The following PCDHA6 variants were observed in gnomAD, a reference collection of about 807,000 sequenced individuals.
PCDHA6 encodes protocadherin alpha 6, also known as protocadherin alpha-6.
In PCDHA6, 55 loss-of-function variants were observed where a neutral mutation model predicts 60.3. The ratio of observed to expected loss-of-function variants is 0.91; its 90% confidence interval spans 0.73 to 1.14. The LOEUF is 1.14. Ranked by LOEUF, PCDHA6 falls within the 50% of genes most tolerant of loss-of-function variation. PCDHA6 has a pLI of 0.00. For missense variants in PCDHA6, 1,327 were observed against 1,256.5 expected (o/e 1.06, Z -0.85); for synonymous variants, 652 against 557.9 (o/e 1.17, Z -2.38).
At chr5:141,008,108 T>C (rs2098361480) in intron 3 of PCDHA6, among the ~76,000 whole-genome samples, 1 of 152,138 alleles carries the variant, frequency 6.6e-6, no homozygotes, top group Non-Finnish European at 1.5e-5. Flanking sequence ...CTCATGAGAA[T>C]AAGTGTTTCA....
In PCDHA6 at chr5:140,871,387, G is replaced by A. The variant is rs372339362; in HGVS notation, c.2394+40902G>A. Reference sequence around the variant, plus strand: ...GCGGCAGAGGGTGTGCTCTGAGGAGGGCCCACCTAAGACGGACCTCATGGC... The same window carrying A: ...GCGGCAGAGGGTGTGCTCTGAGGAGAGCCCACCTAAGACGGACCTCATGGC... On this transcript the variant is annotated intron_variant, in intron 1 of 3. Coordinates refer to ENST00000529310, the MANE Select transcript of PCDHA6 (RefSeq NM_018909.4). 87 of 1,614,172 alleles carry A rather than the reference G, an allele frequency of 5.4e-5. No homozygotes were observed. The African/African-American group carries it at 1.0e-3, about 19-fold the overall frequency.
intron 1 of PCDHA6, chr5:140,830,908 T>C (rs1771286150): frequency 6.6e-6 from 1 of 152,406 alleles, no homozygotes; most frequent in East Asian, 1.9e-4. Context: ...TTTTACACTT[T>C]CCATTTCAAT....
chr5:140,944,909 C>A (rs1320536064), intron 1 of PCDHA6, among the ~76,000 whole-genome samples: 1 of 152,136 alleles, frequency 6.6e-6, no homozygotes, highest in African/African-American at 2.4e-5. Flanking sequence ...CCACAAACTT[C>A]TCTTTATATT....
chr5:141,000,743 TA>T (rs527867626), intron 3 of PCDHA6, among the ~76,000 whole-genome samples: 276 of 145,094 alleles, frequency 1.9e-3, no homozygotes, highest in Admixed American at 4.4e-3. Context: ...CTCTGTATAT[TA>T]AAAAAAAAAA....
chr5:140,829,809 C>A lies in PCDHA6; in HGVS notation c.1718C>A (p.Thr573Asn). The change falls in exon 1 of 4, where the codon ACT becomes AAT. Residue 573 changes from threonine (T) to asparagine (N), a missense_variant. By Grantham distance (65) the Thr-to-Asn change is moderately conservative. Coordinates refer to ENST00000529310, the MANE Select transcript of PCDHA6 (RefSeq NM_018909.4). ...CTGCTGGCGCCTCGGGTGGGTGGTA[C>A]TGGTGGTGCAGTGAGCGAGCTGGTG... ...PALLAPRVGG[T>N]GGAVSELVPR... 1.2e-6 allele frequency: 2 copies of A among 1,613,854 alleles called. No homozygotes were observed. The highest frequency in any genetic ancestry group is 1.7e-6 in the Non-Finnish European group (2 of 1,179,876).
chr5:141,004,351 G>T (rs547017222), intron 3 of PCDHA6, among the ~76,000 whole-genome samples: 1 of 152,332 alleles, frequency 6.6e-6, no homozygotes, highest in African/African-American at 2.4e-5. Flanking sequence ...TGAGGGACTG[G>T]AGAGACCACA....
chr5:140,884,233 T>A (rs782019323), intron 1 of PCDHA6: 1 of 1,613,364 alleles, frequency 6.2e-7, no homozygotes. Flanking sequence ...AGGACCACGG[T>A]GAGCCCGCGC....
intron 1 of PCDHA6, among the ~76,000 whole-genome samples, chr5:140,934,654 T>G (rs1178051306): frequency 6.6e-6 from 1 of 152,168 alleles, no homozygotes; most frequent in African/African-American, 2.4e-5. Flanking sequence ...AATGTTTGAT[T>G]CTTCCCCTTT....
At position 140,858,811 on chromosome 5, in the gene PCDHA6, T is replaced by A. The variant is rs2045603382; in HGVS notation, c.2394+28326T>A. The A allele has an allele frequency of 1.4e-5, 5 of 354,112 alleles. No homozygotes were observed. The South Asian group carries it at 1.7e-4, about 12-fold the overall frequency. The allele number at this position is 354,112 out of a possible 1,614,324, so 21.9% of individuals were successfully genotyped here. A position where few individuals can be genotyped will look rare whatever the true frequency, so the allele number is the denominator to read the frequency against. ...TTTCATTTCCAATCTAAATTTTGAT[T>A]TGATTGTATTTGCATTACCAAAAAA... On this transcript the variant is annotated intron_variant, in intron 1 of 3. Transcript: ENST00000529310.
chr5:140,883,445 G>A, intron 1 of PCDHA6: 1 of 1,614,164 alleles, frequency 6.2e-7, no homozygotes, highest in South Asian at 1.1e-5. Flanking sequence ...GACGCCGCAT[G>A]TCCCCTTCAA....
chr5:141,005,701 C>CAAAAAAA (rs59860837), intron 3 of PCDHA6, among the ~76,000 whole-genome samples: 5 of 7,784 alleles, frequency 6.4e-4, no homozygotes, highest in African/African-American at 9.3e-4. Context: ...AACTCCGTCT[C>CAAAAAAA]AAAAAAAAAA....
chr5:140,997,785 A>G (rs537383326), intron 3 of PCDHA6, among the ~76,000 whole-genome samples: 2 of 152,218 alleles, frequency 1.3e-5, no homozygotes, highest in Admixed American at 1.3e-4. Flanking sequence ...GTATACCTAT[A>G]TTATAATTTA....
chr5:140,927,997 C>T (rs139322203), intron 1 of PCDHA6: 298 of 1,614,182 alleles, frequency 1.8e-4, no homozygotes, highest in Admixed American at 5.8e-4. Context: ...GGATGAAGAC[C>T]TCGATTCTAA....
chr5:140,976,267 T>C (rs115616483), intron 1 of PCDHA6, among the ~76,000 whole-genome samples: 1,952 of 152,234 alleles, frequency 0.013, 51 homozygotes, highest in African/African-American at 0.045. Flanking sequence ...ACACAGACTT[T>C]TGGCAAGGCA....
chr5:140,857,748 C>A (rs782353510), intron 1 of PCDHA6: 1 of 1,597,386 alleles, frequency 6.3e-7, no homozygotes, highest in African/African-American at 1.3e-5. Flanking sequence ...CTGCTGGCGT[C>A]TCCCGCTGGC....
chr5:140,918,511 C>G (rs574083461), intron 1 of PCDHA6, among the ~76,000 whole-genome samples: 1 of 152,144 alleles, frequency 6.6e-6, no homozygotes, highest in African/African-American at 2.4e-5. Flanking sequence ...TCCTTTTAAA[C>G]TTATTGAGGA....
At chr5:140,870,794 T>C in intron 1 of PCDHA6, 2 of 1,613,684 alleles carry the variant, frequency 1.2e-6, no homozygotes, top group South Asian at 2.2e-5. Context: ...GCGCCGGCAC[T>C]GCTGGCGACT....
At position 140,836,722 on chromosome 5, in the gene PCDHA6, C is replaced by T. The variant is rs1218762370; in HGVS notation, c.2394+6237C>T. ...TTCAGTCCCAGCCTTCCTCAGGGTC[C>T]ATCCTCTACAGACAATGTGAGTCAT... On this transcript the variant is annotated intron_variant, in intron 1 of 3. Coordinates refer to ENST00000529310, the MANE Select transcript of PCDHA6 (RefSeq NM_018909.4). 3.1e-6 allele frequency: 5 copies of T among 1,611,958 alleles called. No individual in the cohort carries two copies. Among genetic ancestry groups the T allele is most frequent in the Non-Finnish European group, 4.2e-6 (5 of 1,178,776 alleles).
chr5:140,977,850 T>C (rs1416064195), intron 1 of PCDHA6, among the ~76,000 whole-genome samples: 5 of 152,236 alleles, frequency 3.3e-5, no homozygotes, highest in African/African-American at 1.2e-4. Flanking sequence ...TATGGCTTTG[T>C]TTCTACCAAA....
Sources: allele counts gnomAD v4.1 joint callset (sites outside exome capture counted in the v4.1 genomes callset), GRCh38; gene constraint gnomAD v4.1.1; transcripts MANE v1.5; gene names NCBI Gene and HGNC (gene_info 2026-07-23, HGNC 2026-07-21).